Variants in CASS4 observed in about 807,000 individuals in gnomAD.
CASS4 encodes the protein cas scaffolding protein family member 4.
CASS4 carries 22 observed loss-of-function variants against 54.2 expected under a neutral mutation model. That is an observed-to-expected ratio of 0.41 (90% CI 0.29 to 0.58). The LOEUF is 0.58. Ranked by LOEUF, CASS4 falls within the 20% of genes least tolerant of loss-of-function variation. The probability of loss-of-function intolerance (pLI) is 0.36; values close to 1 mark genes in which losing one functional copy is unlikely to be tolerated. For missense variants in CASS4, 854 were observed against 986.7 expected (o/e 0.87, Z 1.80); for synonymous variants, 409 against 391.5 (o/e 1.04, Z -0.53).
At position 56,420,658 on chromosome 20, in the gene CASS4, G is replaced by T. The variant is rs1035149610; in HGVS notation, c.36+8164G>T. Among the ~76,000 whole-genome samples the T allele has an allele frequency of 6.6e-5, 10 of 151,156 alleles. No individual in the cohort carries two copies. In the East Asian group the frequency reaches 9.8e-4, roughly 15 times the overall value. On this transcript the variant is annotated intron_variant, in intron 1 of 5. Coordinates refer to ENST00000679887, the MANE Select transcript of CASS4 (RefSeq NM_020356.4). ...AGTCCTCCTGCCTCAGCCTCCTAAA[G>T]CACTGAGATTACAGGAGTGAGCCAC...
intron 1 of CASS4, among the ~76,000 whole-genome samples, chr20:56,419,578 C>G (rs1339351309): frequency 6.6e-6 from 1 of 152,314 alleles, no homozygotes; most frequent in East Asian, 1.9e-4. Context: ...AGGCATGCAC[C>G]ACTGTGCCCG....
chr20:56,451,289 C>T (rs1980982338), intron 4 of CASS4, among the ~76,000 whole-genome samples: 1 of 152,150 alleles, frequency 6.6e-6, no homozygotes, highest in African/African-American at 2.4e-5. Flanking sequence ...TTACGACAGA[C>T]CTCAGGGGCG....
intron 1 of CASS4, among the ~76,000 whole-genome samples, chr20:56,425,935 A>T (rs1979618023): frequency 6.6e-6 from 1 of 152,216 alleles, no homozygotes; most frequent in Admixed American, 6.5e-5. Flanking sequence ...TGCTCTTTTT[A>T]AAAAATTTAA....
intron 5 of CASS4, among the ~76,000 whole-genome samples, chr20:56,455,025 C>T (rs386274): frequency 1.3e-5 from 2 of 151,908 alleles, no homozygotes; most frequent in Non-Finnish European, 2.9e-5. Flanking sequence ...GGACTGACTC[C>T]GTTCCTCTTT....
chr20:56,440,990 T>A (rs1169617390), intron 2 of CASS4, among the ~76,000 whole-genome samples: 3 of 135,712 alleles, frequency 2.2e-5, no homozygotes, highest in African/African-American at 1.0e-4. Context: ...AAAAAAAAAT[T>A]TTTTTTTTTT....
intron 1 of CASS4, among the ~76,000 whole-genome samples, chr20:56,436,812 G>A (rs1398504295): frequency 2.0e-5 from 3 of 152,100 alleles, no homozygotes; most frequent in Non-Finnish European, 2.9e-5. Flanking sequence ...GCCTGAGCCC[G>A]GGAGGTCGAG....
rs1981532271 is a variant in CASS4 at position 56,460,048 on chromosome 20, A to T, written c.*1301A>T. ...ATAGAGTAAGTTTTTTGTTGTTTTGAATTGAATTAGTTCTGTGAGATTGGT... is the reference window on the plus strand; with the variant it reads ...ATAGAGTAAGTTTTTTGTTGTTTTGTATTGAATTAGTTCTGTGAGATTGGT... On this transcript the variant is annotated 3_prime_UTR_variant, in exon 6 of 6. Coordinates refer to ENST00000679887, the MANE Select transcript of CASS4 (RefSeq NM_020356.4). 6.6e-6 allele frequency: 1 copy of T among 152,520 alleles called. No individual in the cohort carries two copies. Among genetic ancestry groups the T allele is most frequent in the African/African-American group, 2.4e-5 (1 of 41,436 alleles). 9.4% of individuals were successfully genotyped at this position (152,520 alleles called of 1,614,324 possible).
In CASS4 at chr20:56,443,469, C is replaced by CAAAAAAAAAA. The variant is rs11467181; in HGVS notation, c.460-2429_460-2420dup. 2.1e-4 allele frequency among the ~76,000 whole-genome samples: 24 copies of CAAAAAAAAAA among 115,172 alleles called. 1 individual carries two copies. The highest frequency in any genetic ancestry group is 1.4e-3 in the East Asian group (4 of 2,804). The allele number at this position is 115,172 out of a possible 152,430, so 75.6% of individuals were successfully genotyped here. A position where few individuals can be genotyped will look rare whatever the true frequency, so the allele number is the denominator to read the frequency against. ...GGGTGACAGAGCGAGACTCCGTCTC[C>CAAAAAAAAAA]AAAAAAAAAAAGAAGCTTGGATTTC... On this transcript the variant is annotated intron_variant, in intron 2 of 5. Transcript: ENST00000679887.
Position 56,437,510 on chromosome 20 carries a change from C to A in CASS4, c.383C>A (p.Ala128Asp). The A allele has an allele frequency of 6.3e-7, 1 of 1,593,646 alleles. No individual in the cohort carries two copies. The highest frequency in any genetic ancestry group is 8.5e-7 in the Non-Finnish European group (1 of 1,170,168). Residue 128 changes from alanine (A) to aspartate (D), a missense_variant, in exon 2 of 6, where the codon GCC (alanine) becomes GAC (aspartate). Ala to Asp is a moderately radical substitution (Grantham distance 126). Coordinates refer to ENST00000679887, the MANE Select transcript of CASS4 (RefSeq NM_020356.4). This position sits in a 1 kb window ranked among gnomAD's most constrained non-coding sequence, Gnocchi z 4.7. ...SWAEGPQPPT[A>D]QVYEFPDPPT... ...GCGGAGGGGCCCCAGCCCCCTACTG[C>A]CCAAGTCTATGAATTCCCCGACCCT... is the stretch of plus-strand genomic sequence containing the variant.
intron 1 of CASS4, among the ~76,000 whole-genome samples, chr20:56,423,289 AT>A (rs1470985778): frequency 6.6e-6 from 1 of 152,196 alleles, no homozygotes; most frequent in Non-Finnish European, 1.5e-5. Context: ...TCTGACATCC[AT>A]TTCCTACAAC....
At chr20:56,433,548 GA>G (rs1980016872) in intron 1 of CASS4, among the ~76,000 whole-genome samples, 1 of 152,136 alleles carries the variant, frequency 6.6e-6, no homozygotes, top group Non-Finnish European at 1.5e-5. Context: ...TTGTGTCCCT[GA>G]AAAACTCGAG....
intron 3 of CASS4, among the ~76,000 whole-genome samples, chr20:56,449,849 A>G (rs1980844271): frequency 2.0e-5 from 3 of 152,088 alleles, no homozygotes; most frequent in Admixed American, 2.0e-4. Flanking sequence ...TATTTGCAGA[A>G]TAAATATGAA....
At chr20:56,433,583 T>A (rs1980019238) in intron 1 of CASS4, among the ~76,000 whole-genome samples, 1 of 152,194 alleles carries the variant, frequency 6.6e-6, no homozygotes. Flanking sequence ...CCATATGTAA[T>A]AAACATTCCA....
At chr20:56,424,740 CAAAAAA>C (rs759106984) in intron 1 of CASS4, among the ~76,000 whole-genome samples, 6 of 72,078 alleles carry the variant, frequency 8.3e-5, no homozygotes, top group Admixed American at 3.3e-4. Flanking sequence ...GACTCTGTCT[CAAAAAA>C]AAAAAAAAAA....
intron 1 of CASS4, among the ~76,000 whole-genome samples, chr20:56,426,727 G>A (rs1181781709): frequency 2.6e-5 from 4 of 152,042 alleles, no homozygotes; most frequent in African/African-American, 4.8e-5. Context: ...ACAGGCATGT[G>A]CCACCATGCC....
chr20:56,454,012 C>T (rs1981168516), intron 5 of CASS4: 1 of 152,220 alleles, frequency 6.6e-6, no homozygotes, highest in Non-Finnish European at 1.5e-5. Context: ...GAAACCCCAT[C>T]TCTACTAAAA....
Position 56,458,781 on chromosome 20 carries a change from T to A in CASS4, c.*34T>A. 6.5e-7 allele frequency: 1 copy of A among 1,536,804 alleles called. No homozygotes were observed. Among genetic ancestry groups the A allele is most frequent in the Non-Finnish European group, 8.8e-7 (1 of 1,135,930 alleles). ...TACCTCCCTTCCTCCTCTGCTCACC[T>A]CTCAGCTTCACACCCACAACTTGTG... On this transcript the variant is annotated 3_prime_UTR_variant, in exon 6 of 6. Coordinates refer to ENST00000679887, the MANE Select transcript of CASS4 (RefSeq NM_020356.4).
chr20:56,415,748 A>C (rs1170010142), intron 1 of CASS4, among the ~76,000 whole-genome samples: 1 of 152,182 alleles, frequency 6.6e-6, no homozygotes, highest in Admixed American at 6.5e-5. Flanking sequence ...TCGCCTTTGT[A>C]CATCGTATGG....
chr20:56,439,055 G>A (rs569560445), intron 2 of CASS4, among the ~76,000 whole-genome samples: 20 of 152,340 alleles, frequency 1.3e-4, no homozygotes, highest in Middle Eastern at 3.4e-3. Context: ...CAGCACGTGG[G>A]ACCAGGCCTG....
Sources: allele counts gnomAD v4.1 joint callset (sites outside exome capture counted in the v4.1 genomes callset), GRCh38; gene constraint gnomAD v4.1.1; non-coding constraint Gnocchi (gnomAD v3.1); transcripts MANE v1.5; gene names NCBI Gene and HGNC (gene_info 2026-07-23, HGNC 2026-07-21).